The following RALGPS2 variants were observed in gnomAD, a reference collection of about 807,000 sequenced individuals.
RALGPS2 encodes ras-specific guanine nucleotide-releasing factor RalGPS2.
Under a neutral mutation model 86.8 loss-of-function variants are expected in RALGPS2, and 43 were observed. That is an observed-to-expected ratio of 0.50 (90% CI 0.39 to 0.64). The LOEUF is 0.64. RALGPS2 is among the 30% of genes least tolerant of loss of function. The pLI, the probability that RALGPS2 is intolerant of heterozygous loss-of-function variation, is 0.00. For synonymous variants in RALGPS2, 243 were observed against 231.3 expected, an observed-to-expected ratio of 1.05 and a Z score of -0.46; for missense variants, 536 against 694.6, an observed-to-expected ratio of 0.77 and a Z score of 2.57.
rs1655473890 is a variant in RALGPS2, at chr1:178,820,979, T to A, written c.388-633T>A. Among the ~76,000 whole-genome samples the A allele has an allele frequency of 2.0e-5, 3 of 152,144 alleles. No homozygotes were observed. In the South Asian group the frequency reaches 6.2e-4, roughly 31 times the overall value. On this transcript the variant is annotated intron_variant, in intron 6 of 19. Transcript: ENST00000367635. ...AAGCATCAGGCAGTATTTAAAAATC[T>A]GGGAAATTAGCAATAAATGTTATGC...
rs80257026 is a variant in RALGPS2, at chr1:178,884,787, G to C, written c.905-289G>C. Among the ~76,000 whole-genome samples, 160 of 152,284 alleles carry C rather than the reference G, an allele frequency of 1.1e-3. 1 individual carries two copies. The highest frequency in any genetic ancestry group is 2.1e-3 in the South Asian group (10 of 4,828). ...TCAGAAGACCTGTGTGTTTAGTCCA[G>C]ATTTTGTCTGTGATGTGAAAGCTAG... On this transcript the variant is annotated intron_variant, in intron 11 of 19. Coordinates refer to ENST00000367635, the MANE Select transcript of RALGPS2 (RefSeq NM_152663.5).
At chr1:178,736,678 G>A (rs911755118) in intron 1 of RALGPS2, among the ~76,000 whole-genome samples, 15 of 152,042 alleles carry the variant, frequency 9.9e-5, no homozygotes, top group Non-Finnish European at 2.1e-4. Context: ...TGGGCGGATT[G>A]CTTGAGCCCA....
intron 1 of RALGPS2, among the ~76,000 whole-genome samples, chr1:178,742,147 A>AG (rs1651070351): frequency 1.3e-5 from 2 of 151,146 alleles, no homozygotes; most frequent in African/African-American, 4.9e-5. Context: ...AAAAAAAAAA[A>AG]AAAAGAAGAA....
rs544867409 is a variant in RALGPS2, at chr1:178,731,399, C to T, written c.-84+5980C>T. On this transcript the variant is annotated intron_variant, in intron 1 of 19. Transcript: ENST00000367635. ...CTGGGTTCAAGTGATCCTCCTGCCT[C>T]AGCCTCCTAAGTAGCTGGGATTACA... is the stretch of plus-strand genomic sequence containing the variant. 5.4e-5 allele frequency among the ~76,000 whole-genome samples: 8 copies of T among 149,402 alleles called. No homozygotes were observed. The South Asian group carries it at 1.5e-3, about 28-fold the overall frequency.
At chr1:178,907,106 G>A (rs1315160452) in intron 19 of RALGPS2, among the ~76,000 whole-genome samples, 5 of 152,172 alleles carry the variant, frequency 3.3e-5, no homozygotes, top group African/African-American at 4.8e-5. Flanking sequence ...AACAATAGAC[G>A]TATGTGATAT....
At chr1:178,839,776 C>G (rs1034802705) in intron 8 of RALGPS2, among the ~76,000 whole-genome samples, 38 of 152,272 alleles carry the variant, frequency 2.5e-4, no homozygotes, top group Middle Eastern at 3.4e-3. Flanking sequence ...ATCTCATGTG[C>G]AGGGACACAC....
chr1:178,787,914 G>A (rs995164151), intron 4 of RALGPS2, among the ~76,000 whole-genome samples: 7 of 152,242 alleles, frequency 4.6e-5, no homozygotes, highest in South Asian at 2.1e-4. Flanking sequence ...TTCAACATCT[G>A]TTGGATCTGT....
intron 1 of RALGPS2, among the ~76,000 whole-genome samples, chr1:178,757,132 A>G (rs1238410872): frequency 1.3e-5 from 2 of 152,262 alleles, no homozygotes; most frequent in East Asian, 3.9e-4. Flanking sequence ...TGGAAATGCT[A>G]CTGATTTTTG....
intron 8 of RALGPS2, among the ~76,000 whole-genome samples, chr1:178,845,897 A>G (rs1656843414): frequency 1.3e-5 from 2 of 152,348 alleles, no homozygotes; most frequent in East Asian, 3.9e-4. Flanking sequence ...GAAGAGATGC[A>G]TATCATTGCC....
chr1:178,863,446 G>A (rs1658168679), intron 8 of RALGPS2, among the ~76,000 whole-genome samples: 1 of 152,200 alleles, frequency 6.6e-6, no homozygotes, highest in Non-Finnish European at 1.5e-5. Context: ...AATAGTCAGT[G>A]ATTTGGGGAA....
At chr1:178,856,202 G>GAGAGATATATATATATATATATAT (rs1428022812) in intron 8 of RALGPS2, among the ~76,000 whole-genome samples, 8 of 83,902 alleles carry the variant, frequency 9.5e-5, no homozygotes, top group African/African-American at 5.1e-4. Context: ...GAGAGAGAGA[G>GAGAGATATATATATATATATATAT]ATATATATAT....
chr1:178,748,675 A>G (rs1651477168), intron 1 of RALGPS2, among the ~76,000 whole-genome samples: 1 of 151,976 alleles, frequency 6.6e-6, no homozygotes. Context: ...CAACATAGTG[A>G]AACCCCATCT....
chr1:178,776,666 T>C lies in RALGPS2; in HGVS notation c.-83-16T>C. The C allele has an allele frequency of 2.6e-6, 2 of 757,754 alleles. No homozygotes were observed. The highest frequency in any genetic ancestry group is 2.4e-5 in the South Asian group (1 of 41,260). The allele number at this position is 757,754 out of a possible 1,614,324, so 46.9% of individuals were successfully genotyped here. On this transcript the variant is annotated splice_polypyrimidine_tract_variant and intron_variant, in intron 1 of 19. Transcript: ENST00000367635. ...TTCGAGGAAGACATTTGCTTAACTTTTTTTTTTTTTTACAGGAATAATGTA... is the reference window on the plus strand; with the variant it reads ...TTCGAGGAAGACATTTGCTTAACTTCTTTTTTTTTTTACAGGAATAATGTA...
At chr1:178,731,473 G>C (rs1179519046) in intron 1 of RALGPS2, among the ~76,000 whole-genome samples, 1 of 151,634 alleles carries the variant, frequency 6.6e-6, no homozygotes, top group Non-Finnish European at 1.5e-5. Flanking sequence ...GGTAGAGATG[G>C]TGTTTCACCA....
chr1:178,893,983 C>G lies in RALGPS2; in HGVS notation c.1390C>G (p.Leu464Val), dbSNP rs1363870732. 1 of 1,607,730 alleles carries G rather than the reference C, an allele frequency of 6.2e-7. No individual in the cohort carries two copies. Among genetic ancestry groups the G allele is most frequent in the Non-Finnish European group, 8.5e-7 (1 of 1,176,258 alleles). ...YPGAVTIQGVLRRKTLLKEGK... is the reference protein window; with the variant it reads ...YPGAVTIQGVVRRKTLLKEGK... ...AGGAGCTGTTACTATTCAAGGTGTT[C>G]TCAGGAGAAAAACTTTGTTAAAAGA... The change falls in exon 16 of 20, where the codon CTC becomes GTC. Residue 464 changes from leucine to valine, a missense_variant. Around this residue, in one of 3 missense-constraint regions of RALGPS2, gnomAD observed 309 missense variants for 363.0 expected, o/e 0.85. Coordinates refer to ENST00000367635, the MANE Select transcript of RALGPS2 (RefSeq NM_152663.5).
intron 1 of RALGPS2, chr1:178,747,796 G>A (rs780969768): frequency 1.4e-6 from 1 of 724,122 alleles, no homozygotes; most frequent in Non-Finnish European, 2.4e-6. Flanking sequence ...CTGTGCCAGC[G>A]GAGACGCTCA....
intron 2 of RALGPS2, among the ~76,000 whole-genome samples, chr1:178,782,830 A>G (rs566176751): frequency 1.3e-5 from 2 of 152,328 alleles, no homozygotes; most frequent in South Asian, 2.1e-4. Flanking sequence ...TCAGACACCT[A>G]TAACAACACC....
At chr1:178,888,132 G>A (rs992135341) in intron 13 of RALGPS2, among the ~76,000 whole-genome samples, 3 of 152,072 alleles carry the variant, frequency 2.0e-5, no homozygotes, top group Non-Finnish European at 4.4e-5. Flanking sequence ...TTTTAGAGCA[G>A]ATTTTTGCAT....
intron 8 of RALGPS2, chr1:178,851,397 C>G (rs776661592): frequency 6.9e-4 from 901 of 1,299,376 alleles, no homozygotes; most frequent in Admixed American, 1.6e-3. Flanking sequence ...CTTATTCTAC[C>G]TTTAATTTGA....
Sources: gnomAD v4.1 joint callset for allele counts (sites outside exome capture counted in the v4.1 genomes callset) on GRCh38, gnomAD v4.1.1 for gene constraint, gnomAD v4.1.1 regional missense constraint, MANE v1.5 for transcripts, NCBI Gene and HGNC (gene_info 2026-07-23, HGNC 2026-07-21) for gene names.